The following SLCO3A1 variants were observed in gnomAD, a reference collection of about 807,000 sequenced individuals.
SLCO3A1 encodes solute carrier organic anion transporter family member 3A1, also known as PGE1 transporter.
Under a neutral mutation model 63.1 loss-of-function variants are expected in SLCO3A1, and 27 were observed. That is an observed-to-expected ratio of 0.43 (90% CI 0.32 to 0.59). The LOEUF (loss-of-function observed/expected upper bound fraction) is 0.59, where lower values mean the gene tolerates loss of function less well. Ranked by LOEUF, SLCO3A1 falls within the 20% of genes least tolerant of loss-of-function variation. The probability of loss-of-function intolerance (pLI) is 0.09; values close to 1 mark genes in which losing one functional copy is unlikely to be tolerated. For synonymous variants in SLCO3A1, 473 were observed against 409.9 expected (o/e 1.15, Z -1.86); for missense variants, 773 against 945.8 (o/e 0.82, Z 2.40).
intron 2 of SLCO3A1, among the ~76,000 whole-genome samples, chr15:92,014,407 ATTAGGGT>A (rs1445235120): frequency 6.6e-6 from 1 of 152,164 alleles, no homozygotes; most frequent in African/African-American, 2.4e-5. Flanking sequence ...ATGCCCCGTG[ATTAGGGT>A]TTCCTTCTAG....
chr15:91,997,287 T>C (rs988398660), intron 2 of SLCO3A1, among the ~76,000 whole-genome samples: 1 of 152,202 alleles, frequency 6.6e-6, no homozygotes, highest in Non-Finnish European at 1.5e-5. Context: ...TACCCAGGAA[T>C]GCCTCTAACC....
rs1206867232 is a variant in SLCO3A1, at chr15:91,941,196, A to G, written c.646+24738A>G. On this transcript the variant is annotated intron_variant, in intron 2 of 9. Transcript: ENST00000318445. This position sits in a 1 kb window ranked among gnomAD's most constrained non-coding sequence, Gnocchi z 4.4. ...GCAGCACTGCTCCAGGGCAGGTGGA[A>G]AGTAGGCTTGTTTCACTGGCCTGGC... The G allele has an allele frequency of 6.0e-6, 1 of 166,764 alleles. No individual in the cohort carries two copies. The highest frequency in any genetic ancestry group is 1.3e-5 in the Non-Finnish European group (1 of 76,932). 10.3% of individuals were successfully genotyped at this position (166,764 alleles called of 1,614,324 possible).
At chr15:91,939,927 G>A (rs1393917360) in intron 2 of SLCO3A1, among the ~76,000 whole-genome samples, 6 of 152,168 alleles carry the variant, frequency 3.9e-5, no homozygotes, top group African/African-American at 1.2e-4. Context: ...GAGAGGCCTA[G>A]TCACTTGCCT....
At chr15:92,028,738 G>C (rs2046606869) in intron 2 of SLCO3A1, among the ~76,000 whole-genome samples, 1 of 152,174 alleles carries the variant, frequency 6.6e-6, no homozygotes. Context: ...GATTTTTGTG[G>C]AGAAGATGCT....
At chr15:92,081,910 A>T (rs1302175379) in intron 2 of SLCO3A1, among the ~76,000 whole-genome samples, 3 of 152,308 alleles carry the variant, frequency 2.0e-5, no homozygotes, top group Admixed American at 2.0e-4. Context: ...TTTGAGCCCC[A>T]TTGATGTATC....
chr15:92,117,056 A>C (rs1433298724), intron 4 of SLCO3A1, among the ~76,000 whole-genome samples: 1 of 152,250 alleles, frequency 6.6e-6, no homozygotes, highest in Non-Finnish European at 1.5e-5. Context: ...CTATCTTGAC[A>C]AGGAATCCTT....
At chr15:92,128,578 C>T in intron 7 of SLCO3A1, 89 bp downstream of exon 7, 2 of 1,218,432 alleles carry the variant, frequency 1.6e-6, no homozygotes, top group Non-Finnish European at 2.2e-6. Flanking sequence ...GTTCGCCTTC[C>T]CTGTGACTTT....
At chr15:92,022,483 AG>A (rs2046522264) in intron 2 of SLCO3A1, among the ~76,000 whole-genome samples, 1 of 152,204 alleles carries the variant, frequency 6.6e-6, no homozygotes, top group South Asian at 2.1e-4. Flanking sequence ...TGGAGGAAGA[AG>A]CTCTTGCCTT....
intron 1 of SLCO3A1, among the ~76,000 whole-genome samples, chr15:91,891,840 C>A (rs117162340): frequency 1.1e-4 from 16 of 152,334 alleles, no homozygotes; most frequent in Non-Finnish European, 1.5e-4. Context: ...ATATTTCAGG[C>A]TTTGCAGGCC....
In SLCO3A1 at chr15:92,163,019, C is replaced by G. The variant is rs770474232; in HGVS notation, c.2017C>G (p.Leu673Val). The G allele has an allele frequency of 4.6e-5, 74 of 1,609,484 alleles. 2 individuals are homozygous for G. The Admixed American group carries it at 1.2e-3, about 27-fold the overall frequency. ...CACCAGTGAGTTCTTTGCCTCTACT[C>G]TGACCCTAGACAACCTGGGGAGGGA... The part of the protein sequence containing the change: ...LSTSEFFAST[L>V]TLDNLGRDPV... Residue 673 changes from leucine to valine, a missense_variant, in exon 10 of 10, where the codon CTG (leucine) becomes GTG (valine). Physicochemically the swap from Leu to Val is conservative, Grantham distance 32. This residue lies in a region of SLCO3A1 where 139 missense variants were observed against 131.4 expected (regional missense o/e 1.06). Coordinates refer to ENST00000318445, the MANE Select transcript of SLCO3A1 (RefSeq NM_013272.4).
chr15:91,976,547 C>T (rs183852184), intron 2 of SLCO3A1, among the ~76,000 whole-genome samples: 58 of 152,252 alleles, frequency 3.8e-4, no homozygotes, highest in Admixed American at 1.2e-3. Context: ...CTTTTTCCTC[C>T]TTCTCCTTGG....
rs1202957849 is a variant in SLCO3A1, at chr15:91,948,623, C to T, written c.646+32165C>T. Among the ~76,000 whole-genome samples, 3 of 152,206 alleles carry T rather than the reference C, an allele frequency of 2.0e-5. No homozygotes were observed. The highest frequency in any genetic ancestry group is 4.4e-5 in the Non-Finnish European group (3 of 68,046). On this transcript the variant is annotated intron_variant, in intron 2 of 9. Coordinates refer to ENST00000318445, the MANE Select transcript of SLCO3A1 (RefSeq NM_013272.4). The surrounding 1 kb of genome is among the most constrained non-coding windows in gnomAD (Gnocchi z 4.8). ...ACAGGCAATTAATCAGGGATGCCTG[C>T]ATGGGCCACTCTCTGGTGCCCTGTG...
chr15:92,171,875 C>G, exon 11 of SLCO3A1: 1 of 1,544,754 alleles, frequency 6.5e-7, no homozygotes. Flanking sequence ...GCCTGGCCCT[C>G]TTCCTCTTCC....
intron 2 of SLCO3A1, among the ~76,000 whole-genome samples, chr15:92,016,050 G>T (rs1401162781): frequency 6.6e-6 from 1 of 152,156 alleles, no homozygotes; most frequent in East Asian, 1.9e-4. Context: ...AGGAGGAGAT[G>T]AAATTTCTGC....
In SLCO3A1 at chr15:91,894,710, G is replaced by A. The variant is rs950186022; in HGVS notation, c.181-21283G>A. Reference sequence around the variant, plus strand: ...TTTGACTCTGTGGGTCTGGGGCAGGGTCTGAGATTTTTGAATTTCTAAAAG... The same window carrying A: ...TTTGACTCTGTGGGTCTGGGGCAGGATCTGAGATTTTTGAATTTCTAAAAG... On this transcript the variant is annotated intron_variant, in intron 1 of 9. Coordinates refer to ENST00000318445, the MANE Select transcript of SLCO3A1 (RefSeq NM_013272.4). This position sits in a 1 kb window ranked among gnomAD's most constrained non-coding sequence, Gnocchi z 4.8. Among the ~76,000 whole-genome samples, 11 of 152,208 alleles carry A rather than the reference G, an allele frequency of 7.2e-5. No homozygotes were observed. Among genetic ancestry groups the A allele is most frequent in the African/African-American group, 1.9e-4 (8 of 41,440 alleles).
intron 2 of SLCO3A1, among the ~76,000 whole-genome samples, chr15:92,045,728 T>C (rs898026329): frequency 6.6e-6 from 1 of 152,230 alleles, no homozygotes; most frequent in African/African-American, 2.4e-5. Flanking sequence ...TTTTTTGTAA[T>C]GCAGAGGCAA....
At chr15:91,932,651 C>T (rs1899276715) in intron 2 of SLCO3A1, among the ~76,000 whole-genome samples, 2 of 152,196 alleles carry the variant, frequency 1.3e-5, no homozygotes, top group African/African-American at 4.8e-5. Context: ...CCATGTTGGC[C>T]AGGCTGGTCT....
chr15:91,930,037 A>G (rs945723718), intron 2 of SLCO3A1, among the ~76,000 whole-genome samples: 1 of 152,166 alleles, frequency 6.6e-6, no homozygotes, highest in South Asian at 2.1e-4. Context: ...TTATAAAAGT[A>G]TATCTCCATC....
chr15:91,924,544 A>T (rs1898949828), intron 2 of SLCO3A1, among the ~76,000 whole-genome samples: 1 of 152,228 alleles, frequency 6.6e-6, no homozygotes, highest in South Asian at 2.1e-4. Context: ...AAAAAAGAAA[A>T]GAAAGGAAAG....
Sources: allele counts gnomAD v4.1 joint callset (sites outside exome capture counted in the v4.1 genomes callset), GRCh38; gene constraint gnomAD v4.1.1; regional missense constraint gnomAD v4.1.1; non-coding constraint Gnocchi (gnomAD v3.1); transcripts MANE v1.5; gene names NCBI Gene and HGNC (gene_info 2026-07-23, HGNC 2026-07-21).